RGS7: variants seen among roughly 807,000 people sequenced by gnomAD.
RGS7 encodes regulator of G-protein signaling 7.
In RGS7, 27 loss-of-function variants were observed where a neutral mutation model predicts 81.1. The ratio of observed to expected loss-of-function variants is 0.33; its 90% CI spans 0.25 to 0.46. The LOEUF (loss-of-function observed/expected upper bound fraction) is 0.46, where lower values mean the gene tolerates loss of function less well. Ranked by LOEUF, RGS7 falls within the 20% of genes least tolerant of loss-of-function variation. The pLI, the probability that RGS7 is intolerant of heterozygous loss-of-function variation, is 1.00. For missense variants in RGS7, 396 were observed against 607.4 expected, an observed-to-expected ratio of 0.65 and a Z score of 3.66; for synonymous variants, 208 against 207.7, an observed-to-expected ratio of 1.00 and a Z score of -0.01.
At chr1:241,127,566 T>C (rs915563833) in intron 2 of RGS7, among the ~76,000 whole-genome samples, 4 of 152,026 alleles carry the variant, frequency 2.6e-5, no homozygotes, top group African/African-American at 7.3e-5. Context: ...CGGGGAGGGA[T>C]AGCGTTAGGA....
intron 18 of RGS7, among the ~76,000 whole-genome samples, chr1:240,791,244 T>C (rs10495475): frequency 0.52 from 78,657 of 152,036 alleles, 23,196 homozygotes; most frequent in Non-Finnish European, 0.66. Context: ...TTTAGGATTG[T>C]CCAATGTGTG....
At chr1:241,313,109 G>A (rs570471229) in intron 2 of RGS7, among the ~76,000 whole-genome samples, 133 of 152,312 alleles carry the variant, frequency 8.7e-4, no homozygotes, top group African/African-American at 3.0e-3. Flanking sequence ...AGCTAGCAGA[G>A]GTTGGTTCAT....
At chr1:241,051,008 T>C (rs1364445833) in intron 3 of RGS7, among the ~76,000 whole-genome samples, 1 of 152,124 alleles carries the variant, frequency 6.6e-6, no homozygotes, top group East Asian at 1.9e-4. Flanking sequence ...AACCCCCACA[T>C]TGTTCAAAGG....
chr1:241,274,547 AATAAT>A (rs1285645379), intron 2 of RGS7, among the ~76,000 whole-genome samples: 1 of 152,230 alleles, frequency 6.6e-6, no homozygotes, highest in Non-Finnish European at 1.5e-5. Context: ...GATGAAGAAA[AATAAT>A]ATAATCTATG....
chr1:241,321,229 T>C (rs1300802709), intron 2 of RGS7, among the ~76,000 whole-genome samples: 1 of 152,240 alleles, frequency 6.6e-6, no homozygotes, highest in African/African-American at 2.4e-5. Flanking sequence ...ATTCCATTGT[T>C]GTGGACTAAC....
At chr1:240,990,753 A>G (rs1019611625) in intron 3 of RGS7, among the ~76,000 whole-genome samples, 6 of 152,238 alleles carry the variant, frequency 3.9e-5, no homozygotes, top group African/African-American at 1.4e-4. Flanking sequence ...AATAACACCT[A>G]TGAAATCTCA....
At chr1:241,254,629 A>T (rs2076979795) in intron 2 of RGS7, among the ~76,000 whole-genome samples, 1 of 152,222 alleles carries the variant, frequency 6.6e-6, no homozygotes, top group South Asian at 2.1e-4. Context: ...AACGGTTTCA[A>T]CATATAAATT....
intron 2 of RGS7, among the ~76,000 whole-genome samples, chr1:241,222,764 C>G (rs1344441567): frequency 6.6e-6 from 1 of 152,196 alleles, no homozygotes; most frequent in African/African-American, 2.4e-5. Flanking sequence ...GCTCCCAACT[C>G]TAACCTGTAA....
chr1:240,948,657 G>C (rs1460354018), intron 4 of RGS7, among the ~76,000 whole-genome samples: 1 of 151,814 alleles, frequency 6.6e-6, no homozygotes, highest in Non-Finnish European at 1.5e-5. Flanking sequence ...TGGCCAGGCT[G>C]GTCTCAAACT....
At chr1:240,971,296 A>T (rs183964624) in intron 4 of RGS7, among the ~76,000 whole-genome samples, 2 of 152,270 alleles carry the variant, frequency 1.3e-5, no homozygotes, top group Admixed American at 6.5e-5. Flanking sequence ...GTGAGAAATA[A>T]ATCTTTCTGT....
rs1160937893 is a variant in RGS7, at chr1:240,868,111, A to AAAG, written c.609+475_609+476insCTT. On this transcript the variant is annotated intron_variant, in intron 9 of 18. Transcript: ENST00000440928. The surrounding 1 kb of genome is among the most constrained non-coding windows in gnomAD (Gnocchi z 5.1). ...AAGAAAGAAAAGAAAAAGAAAGAAAAGAAAAGGAAAGAAAGAAAGAAAGAA... is the reference window on the plus strand; with the variant it reads ...AAGAAAGAAAAGAAAAAGAAAGAAAAAAGGAAAAGGAAAGAAAGAAAGAAAGAA... Among the ~76,000 whole-genome samples the AAAG allele has an allele frequency of 4.9e-5, 6 of 122,648 alleles. No individual in the cohort carries two copies. The highest frequency in any genetic ancestry group is 1.9e-4 in the African/African-American group (6 of 32,196). The allele number at this position is 122,648 out of a possible 152,430, so 80.5% of individuals were successfully genotyped here. A position where few individuals can be genotyped will look rare whatever the true frequency, so the allele number is the denominator to read the frequency against.
chr1:241,002,966 T>C (rs2058487103), intron 3 of RGS7, among the ~76,000 whole-genome samples: 1 of 151,576 alleles, frequency 6.6e-6, no homozygotes, highest in Admixed American at 6.6e-5. Context: ...GCAGCAAGAG[T>C]TTTCATACAC....
intron 11 of RGS7, 72 bp downstream of exon 11, chr1:240,816,245 A>C: frequency 1.1e-6 from 1 of 947,268 alleles, no homozygotes; most frequent in Non-Finnish European, 1.8e-6. Flanking sequence ...ACCCACTATT[A>C]ACATTTACCC....
At chr1:241,355,537 A>G (rs968661359) in intron 2 of RGS7, among the ~76,000 whole-genome samples, 162 bp downstream of exon 2, 2 of 152,216 alleles carry the variant, frequency 1.3e-5, no homozygotes, top group African/African-American at 4.8e-5. Context: ...CATATGCATC[A>G]TTTGAGAATG....
chr1:240,992,568 T>C (rs1686610656), intron 3 of RGS7, among the ~76,000 whole-genome samples: 1 of 151,940 alleles, frequency 6.6e-6, no homozygotes, highest in Admixed American at 6.5e-5. Context: ...TTTGTGCCAA[T>C]CCTAATTATT....
intron 2 of RGS7, among the ~76,000 whole-genome samples, chr1:241,200,905 T>C (rs2073451793): frequency 6.6e-6 from 1 of 152,200 alleles, no homozygotes; most frequent in Non-Finnish European, 1.5e-5. Flanking sequence ...GACTTCCAAG[T>C]GCAAAATCCA....
chr1:240,887,668 G>C (rs576945384), intron 6 of RGS7, among the ~76,000 whole-genome samples: 17 of 152,214 alleles, frequency 1.1e-4, no homozygotes, highest in African/African-American at 4.1e-4. Flanking sequence ...TTAATTACAT[G>C]TGTCTGTTGC....
chr1:241,034,544 C>A (rs1006868642), intron 3 of RGS7, among the ~76,000 whole-genome samples: 3 of 152,084 alleles, frequency 2.0e-5, no homozygotes, highest in Non-Finnish European at 4.4e-5. Flanking sequence ...CATTTGATGA[C>A]AAAGAGTCAT....
intron 2 of RGS7, among the ~76,000 whole-genome samples, chr1:241,310,693 A>C (rs900882635): frequency 6.6e-6 from 1 of 152,164 alleles, no homozygotes; most frequent in Non-Finnish European, 1.5e-5. Flanking sequence ...GTGACTGATG[A>C]GTGAATCATT....
Sources: gnomAD v4.1 joint callset for allele counts (sites outside exome capture counted in the v4.1 genomes callset) on GRCh38, gnomAD v4.1.1 for gene constraint, Gnocchi (gnomAD v3.1) non-coding constraint, MANE v1.5 for transcripts, NCBI Gene and HGNC (gene_info 2026-07-23, HGNC 2026-07-21) for gene names.